Variants in PHACTR4 observed in about 807,000 individuals in gnomAD.
The protein encoded by PHACTR4 is protein phosphatase 1, regulatory subunit 124.
In PHACTR4, 51 loss-of-function variants were observed where a neutral mutation model predicts 72.7. The observed-to-expected ratio is 0.70, with a 90% CI of 0.56 to 0.89. PHACTR4 has a LOEUF of 0.89. PHACTR4 is among the 40% of genes least tolerant of loss of function. The probability of loss-of-function intolerance (pLI) is 0.00; values close to 1 mark genes in which losing one functional copy is unlikely to be tolerated. For missense variants in PHACTR4, 731 were observed against 861.8 expected, an observed-to-expected ratio of 0.85 and a Z score of 1.90; for synonymous variants, 255 against 302.5, an observed-to-expected ratio of 0.84 and a Z score of 1.63.
chr1:28,413,695 A>G (rs952024027), intron 2 of PHACTR4, among the ~76,000 whole-genome samples: 1 of 152,112 alleles, frequency 6.6e-6, no homozygotes, highest in African/African-American at 2.4e-5. Flanking sequence ...TTCTTTCAAC[A>G]GATTTTCCTT....
chr1:28,440,391 A>ATTTTTTTTTTTTTTTT lies in PHACTR4; in HGVS notation c.17-18692_17-18691insTTTTTTTTTTTTTTTT, dbSNP rs1414224976. Among the ~76,000 whole-genome samples the ATTTTTTTTTTTTTTTT allele has an allele frequency of 2.2e-5, 2 of 89,960 alleles. 1 individual carries two copies. The highest frequency in any genetic ancestry group is 1.0e-4 in the African/African-American group (2 of 19,878). 59.0% of individuals were successfully genotyped at this position (89,960 alleles called of 152,430 possible). A position where few individuals can be genotyped will look rare whatever the true frequency, so the allele number is the denominator to read the frequency against. ...AAAAAAGTAAGAATCAAATTCATCA[A>ATTTTTTTTTTTTTTTT]TTCTTTTTTTTTTTTTTTTTTTGAG... On this transcript the variant is annotated intron_variant, in intron 2 of 13. Transcript: ENST00000373839.
intron 9 of PHACTR4, chr1:28,481,278 C>T (rs1367107149): frequency 6.6e-6 from 1 of 152,212 alleles, no homozygotes; most frequent in African/African-American, 2.4e-5. Flanking sequence ...ATTCCTCCCA[C>T]GTTGCCCTCC....
chr1:28,438,221 C>A, intron 2 of PHACTR4: 1 of 1,369,986 alleles, frequency 7.3e-7, no homozygotes, highest in South Asian at 1.7e-5. Flanking sequence ...GTATGGGAAA[C>A]AGAAACTTCA....
At chr1:28,449,785 G>A (rs1410561880) in intron 2 of PHACTR4, among the ~76,000 whole-genome samples, 1 of 151,934 alleles carries the variant, frequency 6.6e-6, no homozygotes, top group Non-Finnish European at 1.5e-5. Flanking sequence ...CCAGGAGGCA[G>A]GGGTTGCAGT....
intron 1 of PHACTR4, among the ~76,000 whole-genome samples, chr1:28,397,735 C>T (rs1455661650): frequency 3.5e-5 from 5 of 144,168 alleles, no homozygotes; most frequent in South Asian, 2.2e-4. Context: ...CTTTCTCTGT[C>T]GCCAGGCTGG....
chr1:28,419,609 A>C lies in PHACTR4; in HGVS notation c.16+12146A>C, dbSNP rs77003890. Among the ~76,000 whole-genome samples, 3,144 of 152,194 alleles carry C rather than the reference A, an allele frequency of 0.021. 311 individuals are homozygous for C. In the East Asian group the frequency reaches 0.3, roughly 14 times the overall value. On this transcript the variant is annotated intron_variant, in intron 2 of 13. Transcript: ENST00000373839. ...AGGTGAGCAGCCACCATGCCTGGCT[A>C]ATCTATAAATAGTTACAAATTATTA...
intron 1 of PHACTR4, among the ~76,000 whole-genome samples, chr1:28,376,073 A>AAAAC (rs146368743): frequency 1.7e-4 from 26 of 151,698 alleles, no homozygotes; most frequent in Non-Finnish European, 2.1e-4. Flanking sequence ...CCATCTCAAA[A>AAAAC]AAACAAACAA....
At chr1:28,380,205 C>T (rs1302810914) in intron 1 of PHACTR4, among the ~76,000 whole-genome samples, 4 of 150,522 alleles carry the variant, frequency 2.7e-5, no homozygotes, top group African/African-American at 9.8e-5. Flanking sequence ...TACAGGCGTC[C>T]GCTACCACGC....
At chr1:28,461,849 C>G (rs1003365554) in intron 4 of PHACTR4, among the ~76,000 whole-genome samples, 1 of 144,216 alleles carries the variant, frequency 6.9e-6, no homozygotes, top group African/African-American at 2.7e-5. Flanking sequence ...TGTTTTCTTT[C>G]TTTCTTTTTT....
chr1:28,471,368 G>C (rs930581358), intron 6 of PHACTR4, among the ~76,000 whole-genome samples: 3 of 152,104 alleles, frequency 2.0e-5, no homozygotes. Flanking sequence ...AAAATAATTA[G>C]CTAGCCTTTT....
At chr1:28,410,547 A>T (rs1318764481) in intron 2 of PHACTR4, among the ~76,000 whole-genome samples, 1 of 152,180 alleles carries the variant, frequency 6.6e-6, no homozygotes, top group African/African-American at 2.4e-5. Context: ...AACCTTAAAT[A>T]TAACTTAAAT....
intron 3 of PHACTR4, 84 bp from the exon 4 acceptor site, chr1:28,460,128 T>C (rs766372696): frequency 7.3e-5 from 62 of 844,680 alleles, no homozygotes; most frequent in Non-Finnish European, 1.0e-4. Flanking sequence ...ACTTTATTCT[T>C]TTACCTGTAG....
At chr1:28,472,779 ATTT>A (rs771078982) in intron 6 of PHACTR4, among the ~76,000 whole-genome samples, 2 of 127,574 alleles carry the variant, frequency 1.6e-5, no homozygotes, top group Non-Finnish European at 1.7e-5. Flanking sequence ...AATTTTTGTA[ATTT>A]TTTTTTTTTT....
intron 9 of PHACTR4, among the ~76,000 whole-genome samples, chr1:28,486,078 C>T (rs1434519749): frequency 2.0e-5 from 3 of 152,052 alleles, no homozygotes; most frequent in East Asian, 3.9e-4. Context: ...CTGACAAGGC[C>T]GGGTGTGGTG....
rs549950401 is a variant in PHACTR4 at position 28,473,156 on chromosome 1, A to G, written c.824-398A>G. On this transcript the variant is annotated intron_variant, in intron 6 of 13. Transcript: ENST00000373839. ...CGGGCCGTAGTGGCGTGCGCCTGTA[A>G]TCTCAGCTACTTGGTAGACTGAGGC... Among the ~76,000 whole-genome samples, 68 of 151,824 alleles carry G rather than the reference A, an allele frequency of 4.5e-4. No individual in the cohort carries two copies. The East Asian group carries it at 0.012, about 27-fold the overall frequency.
intron 1 of PHACTR4, among the ~76,000 whole-genome samples, chr1:28,399,801 A>G (rs1043526158): frequency 6.6e-6 from 1 of 152,234 alleles, no homozygotes; most frequent in Non-Finnish European, 1.5e-5. Context: ...GTAAATGGAT[A>G]GAATGTTTTG....
intron 2 of PHACTR4, among the ~76,000 whole-genome samples, chr1:28,443,263 G>GTCTTTCTTTCCT (rs144990301): frequency 0.095 from 14,299 of 151,040 alleles, 1,532 homozygotes; most frequent in African/African-American, 0.26. Flanking sequence ...GGATTTCATT[G>GTCTTTCTTTCCT]TCTTTCTTTC....
intron 9 of PHACTR4, among the ~76,000 whole-genome samples, chr1:28,482,394 C>G (rs572330807): frequency 6.6e-6 from 1 of 152,072 alleles, no homozygotes; most frequent in Admixed American, 6.6e-5. Flanking sequence ...GTAACTGCCT[C>G]CTTTCAAAGT....
At chr1:28,390,322 C>T (rs1275184881) in intron 1 of PHACTR4, among the ~76,000 whole-genome samples, 1 of 152,148 alleles carries the variant, frequency 6.6e-6, no homozygotes, top group Non-Finnish European at 1.5e-5. Context: ...TGGCTGGCCA[C>T]ATGCTTTTAC....
Sources: gnomAD v4.1 joint callset for allele counts (sites outside exome capture counted in the v4.1 genomes callset) on GRCh38, gnomAD v4.1.1 for gene constraint, MANE v1.5 for transcripts, NCBI Gene and HGNC (gene_info 2026-07-23, HGNC 2026-07-21) for gene names.